Variants in SRBD1 observed in about 807,000 individuals in gnomAD.
SRBD1 encodes S1 RNA-binding domain-containing protein 1.
SRBD1 carries 88 observed loss-of-function variants against 115.3 expected under a neutral mutation model. That is an observed-to-expected ratio of 0.76 (90% confidence interval 0.64 to 0.91). SRBD1 has a LOEUF of 0.91. Among genes scored for constraint, SRBD1 ranks in the 40% least tolerant of loss-of-function variants. The pLI, the probability that SRBD1 is intolerant of heterozygous loss-of-function variation, is 0.00. For synonymous variants in SRBD1, 509 were observed against 407.7 expected, an observed-to-expected ratio of 1.25 and a Z score of -2.99; for missense variants, 1,385 against 1,177.4, an observed-to-expected ratio of 1.18 and a Z score of -2.58.
intron 16 of SRBD1, among the ~76,000 whole-genome samples, chr2:45,437,151 T>C (rs1047586761): frequency 1.3e-5 from 2 of 152,102 alleles, no homozygotes; most frequent in South Asian, 2.1e-4. Flanking sequence ...GTGGGTAGGA[T>C]GACTCAATAC....
chr2:45,606,558 T>C (rs1674281318), intron 1 of SRBD1, among the ~76,000 whole-genome samples: 1 of 152,176 alleles, frequency 6.6e-6, no homozygotes, highest in Non-Finnish European at 1.5e-5. Context: ...CAGGTTATTC[T>C]TAAAACAAGA....
At chr2:45,437,707 G>A (rs141024449) in intron 16 of SRBD1, among the ~76,000 whole-genome samples, 38 of 152,262 alleles carry the variant, frequency 2.5e-4, no homozygotes, top group African/African-American at 7.0e-4. Context: ...CAATCTGGGC[G>A]ATAGACTAAG....
At chr2:45,421,592 GTATT>G (rs1206357087) in intron 16 of SRBD1, among the ~76,000 whole-genome samples, 1 of 126,996 alleles carries the variant, frequency 7.9e-6, no homozygotes, top group Admixed American at 8.5e-5. Flanking sequence ...ATATTTTAAA[GTATT>G]TGTTGACTAA....
intron 19 of SRBD1, among the ~76,000 whole-genome samples, chr2:45,405,446 C>T (rs1482753430): frequency 3.3e-5 from 5 of 152,192 alleles, no homozygotes; most frequent in South Asian, 4.1e-4. Flanking sequence ...GTTTCCATTG[C>T]TAAGATATTC....
intron 11 of SRBD1, among the ~76,000 whole-genome samples, chr2:45,552,019 A>C (rs1273571377): frequency 6.6e-6 from 1 of 152,214 alleles, no homozygotes; most frequent in Non-Finnish European, 1.5e-5. Context: ...GGGGAGGAAA[A>C]ATTCAAGTTA....
chr2:45,449,269 G>C (rs1207151865), intron 16 of SRBD1, among the ~76,000 whole-genome samples: 9 of 152,116 alleles, frequency 5.9e-5, no homozygotes, highest in Admixed American at 2.6e-4. Flanking sequence ...GATACACACT[G>C]TCAGTCTGCA....
rs149042274 is a variant in SRBD1 at position 45,399,668 on chromosome 2, T to C, written c.2514-6539A>G. Among the ~76,000 whole-genome samples, 168 of 152,220 alleles carry C rather than the reference T, an allele frequency of 1.1e-3. 3 individuals are homozygous for C. Among genetic ancestry groups the C allele is most frequent in the African/African-American group, 3.7e-3 (155 of 41,540 alleles). The stretch of plus-strand genomic sequence containing the variant: ...GACAGATTTAGATCTCTGATAAACC[T>C]TGGCACCCAGGACCACTGCCTGGGA... On this transcript the variant is annotated intron_variant, in intron 19 of 20. Transcript: ENST00000263736.
At chr2:45,492,036 G>A (rs1413610606) in intron 14 of SRBD1, among the ~76,000 whole-genome samples, 1 of 152,080 alleles carries the variant, frequency 6.6e-6, no homozygotes, top group Non-Finnish European at 1.5e-5. Flanking sequence ...TGGTCAGGCT[G>A]ATCAGAACTC....
chr2:45,473,469 C>T (rs796655186), intron 16 of SRBD1, among the ~76,000 whole-genome samples: 4 of 152,234 alleles, frequency 2.6e-5, no homozygotes, highest in African/African-American at 9.6e-5. Flanking sequence ...CACTCCCCTG[C>T]TTTTTGGAAG....
Position 45,509,381 on chromosome 2 carries a change from G to C in SRBD1, c.1875-21050C>G, listed in dbSNP as rs547180040. Among the ~76,000 whole-genome samples the C allele has an allele frequency of 8.5e-5, 13 of 152,184 alleles. No homozygotes were observed. In the East Asian group the frequency reaches 2.3e-3, roughly 27 times the overall value. ...AGAGGCCGAGGCGGGCGGATCATGA[G>C]GTCAGGAGATCGAGACCATCCTGGC... is the stretch of plus-strand genomic sequence containing the variant. On this transcript the variant is annotated intron_variant, in intron 14 of 20. Coordinates refer to ENST00000263736, the MANE Select transcript of SRBD1 (RefSeq NM_018079.5).
At chr2:45,405,418 C>T (rs1401672414) in intron 19 of SRBD1, among the ~76,000 whole-genome samples, 1 of 152,038 alleles carries the variant, frequency 6.6e-6, no homozygotes, top group Non-Finnish European at 1.5e-5. Context: ...GTACAAGTTT[C>T]AATTTTAGAA....
intron 14 of SRBD1, among the ~76,000 whole-genome samples, chr2:45,494,571 G>T (rs916546352): frequency 2.6e-5 from 4 of 152,098 alleles, no homozygotes; most frequent in Admixed American, 6.5e-5. Flanking sequence ...CATTTAAGAA[G>T]CAAATGAATG....
intron 16 of SRBD1, among the ~76,000 whole-genome samples, chr2:45,434,289 G>A (rs945075134): frequency 6.6e-6 from 1 of 152,004 alleles, no homozygotes; most frequent in Non-Finnish European, 1.5e-5. Context: ...GACCTTCTCG[G>A]GTATCAAATG....
At chr2:45,558,402 G>A (rs750179716) in intron 10 of SRBD1, among the ~76,000 whole-genome samples, 36 of 152,272 alleles carry the variant, frequency 2.4e-4, no homozygotes, top group Admixed American at 1.3e-3. Context: ...CACAAACACA[G>A]CAACTATTTC....
chr2:45,511,727 T>G (rs1670976969), intron 14 of SRBD1, among the ~76,000 whole-genome samples: 1 of 152,240 alleles, frequency 6.6e-6, no homozygotes, highest in Non-Finnish European at 1.5e-5. Context: ...AAGAAGCCTC[T>G]TAGACTTGAA....
At chr2:45,566,391 T>C (rs1030937788) in intron 9 of SRBD1, among the ~76,000 whole-genome samples, 2 of 152,196 alleles carry the variant, frequency 1.3e-5, no homozygotes, top group African/African-American at 2.4e-5. Flanking sequence ...AGGAAAGGCA[T>C]ACTAATACAT....
At chr2:45,561,697 G>C (rs1026110573) in intron 10 of SRBD1, among the ~76,000 whole-genome samples, 16 of 152,104 alleles carry the variant, frequency 1.1e-4, no homozygotes, top group Admixed American at 2.0e-4. Flanking sequence ...ATAGATTTTT[G>C]TGAGGATCAA....
Position 45,449,573 on chromosome 2 carries a change from T to C in SRBD1, c.2049+27420A>G, listed in dbSNP as rs1411923205. 2.0e-5 allele frequency among the ~76,000 whole-genome samples: 3 copies of C among 152,182 alleles called. No homozygotes were observed. In the East Asian group the frequency reaches 5.8e-4, roughly 29 times the overall value. On this transcript the variant is annotated intron_variant, in intron 16 of 20. Transcript: ENST00000263736. ...TTTTATTTCAAGTATCTAAGCTGTA[T>C]GATAACAAGGGTGTGATACTAAAAT...
chr2:45,511,228 C>CT (rs1172233359), intron 14 of SRBD1, among the ~76,000 whole-genome samples: 1 of 152,178 alleles, frequency 6.6e-6, no homozygotes, highest in Non-Finnish European at 1.5e-5. Context: ...AAAACATTTC[C>CT]TGTTCACTTT....
Sources: allele counts gnomAD v4.1 joint callset (sites outside exome capture counted in the v4.1 genomes callset), GRCh38; gene constraint gnomAD v4.1.1; transcripts MANE v1.5; gene names NCBI Gene and HGNC (gene_info 2026-07-23, HGNC 2026-07-21).